Variants in S100Z observed in about 807,000 individuals in gnomAD.
The protein encoded by S100Z is protein S100-Z.
In S100Z, 11 loss-of-function variants were observed where a neutral mutation model predicts 8.5. That is an observed-to-expected ratio of 1.30 (90% CI 0.82 to 2.15). The LOEUF (loss-of-function observed/expected upper bound fraction) is 2.15. S100Z is among the 30% of genes most tolerant of loss of function. The pLI, the probability that S100Z is intolerant of heterozygous loss-of-function variation, is 0.00. For missense variants in S100Z, 126 were observed against 117.9 expected, an observed-to-expected ratio of 1.07 and a Z score of -0.32; for synonymous variants, 34 against 43.8, an observed-to-expected ratio of 0.78 and a Z score of 0.89.
chr5:76,902,940 C>G (rs937792618), intron 4 of S100Z, among the ~76,000 whole-genome samples: 1 of 152,326 alleles, frequency 6.6e-6, no homozygotes. Context: ...AATCCCAGCA[C>G]TTTGGGAGGC....
rs369665467 is a variant in S100Z at position 76,883,676 on chromosome 5, T to G, written c.*2+5842T>G. On this transcript the variant is annotated intron_variant, in intron 4 of 4. Transcript: ENST00000317593. ...CCACTAAGCTGAGAATATCTGGGAA[T>G]GAGTCAGTCAGAGAGCCTTGGGCCA... Among the ~76,000 whole-genome samples the G allele has an allele frequency of 2.2e-3, 330 of 152,246 alleles. 4 individuals are homozygous for G. The highest frequency in any genetic ancestry group is 7.6e-3 in the African/African-American group (316 of 41,548).
At chr5:76,891,339 T>G (rs1743847343) in intron 4 of S100Z, among the ~76,000 whole-genome samples, 1 of 152,188 alleles carries the variant, frequency 6.6e-6, no homozygotes, top group Non-Finnish European at 1.5e-5. Flanking sequence ...ATTCAATTAG[T>G]CTAGGGATGG....
In S100Z at chr5:76,897,346, G is replaced by A. The variant is rs1744071167; in HGVS notation, c.*2+19512G>A. On this transcript the variant is annotated intron_variant, in intron 4 of 4. Transcript: ENST00000317593. ...AGTCGCAGCTACTTGTAGAGGCTGA[G>A]GCAGGAGAATGGTGTGAACCCAGGA... Among the ~76,000 whole-genome samples the A allele has an allele frequency of 2.6e-5, 4 of 152,024 alleles. No individual in the cohort carries two copies. In the South Asian group the frequency reaches 8.3e-4, roughly 32 times the overall value.
the S100Z span, among the ~76,000 whole-genome samples, chr5:76,948,624 C>T: frequency 2.1e-3 from 323 of 152,060 alleles, 2 homozygotes; most frequent in South Asian, 7.9e-3. Flanking sequence ...AAATCCACGA[C>T]GAGACATCAC....
downstream of S100Z, among the ~76,000 whole-genome samples, chr5:76,923,877 A>C (rs887434814): frequency 1.4e-4 from 21 of 152,130 alleles, no homozygotes; most frequent in Admixed American, 5.9e-4. Context: ...TGGCACTTTG[A>C]CATGCTGAAC....
the S100Z span, among the ~76,000 whole-genome samples, chr5:76,943,585 A>T: frequency 0.65 from 98,639 of 152,050 alleles, 32,223 homozygotes; most frequent in South Asian, 0.76. Context: ...CCCAGGAGGC[A>T]GAGTGACAGC....
At chr5:76,901,922 G>C (rs1744243520) in intron 4 of S100Z, among the ~76,000 whole-genome samples, 1 of 152,184 alleles carries the variant, frequency 6.6e-6, no homozygotes, top group Non-Finnish European at 1.5e-5. Context: ...TTAGTTAGCA[G>C]GTGATGAATG....
chr5:76,917,930 A>C (rs997191654), intron 4 of S100Z, among the ~76,000 whole-genome samples: 1 of 152,040 alleles, frequency 6.6e-6, no homozygotes, highest in South Asian at 2.1e-4. Flanking sequence ...GTGGACGTCT[A>C]GTTGGTTTCT....
At chr5:76,898,123 C>G (rs532163275) in intron 4 of S100Z, among the ~76,000 whole-genome samples, 8 of 151,028 alleles carry the variant, frequency 5.3e-5, no homozygotes, top group African/African-American at 1.9e-4. Context: ...ATGGGTCTGT[C>G]ATATATGGCT....
At chr5:76,894,594 A>AT (rs544776998) in intron 4 of S100Z, among the ~76,000 whole-genome samples, 5,001 of 141,272 alleles carry the variant, frequency 0.035, 186 homozygotes, top group East Asian at 0.12. Flanking sequence ...GGTGATTTAA[A>AT]TTTTTTTTTT....
chr5:76,899,273 A>T (rs1021724604), intron 4 of S100Z, among the ~76,000 whole-genome samples: 3 of 152,070 alleles, frequency 2.0e-5, no homozygotes, highest in African/African-American at 7.2e-5. Flanking sequence ...CAATAGATCA[A>T]TGGGTCTTGT....
intron 4 of S100Z, among the ~76,000 whole-genome samples, chr5:76,899,290 A>T (rs903650087): frequency 2.0e-5 from 3 of 151,640 alleles, no homozygotes; most frequent in African/African-American, 4.8e-5. Flanking sequence ...TTGTTTTTTC[A>T]TCTGTTCAGC....
the S100Z span, among the ~76,000 whole-genome samples, chr5:76,936,615 CTA>C: frequency 6.3e-4 from 38 of 60,486 alleles, no homozygotes; most frequent in South Asian, 1.2e-3. Flanking sequence ...ATTAAAGTTC[CTA>C]CACACACACA....
the S100Z span, among the ~76,000 whole-genome samples, chr5:76,931,095 T>G: frequency 2.4e-4 from 37 of 151,924 alleles, no homozygotes; most frequent in African/African-American, 8.2e-4. Context: ...TTTTTCCTTT[T>G]CTTTCTTCCT....
intron 3 of S100Z, among the ~76,000 whole-genome samples, chr5:76,876,476 C>T (rs1371450721): frequency 6.6e-6 from 1 of 151,592 alleles, no homozygotes; most frequent in African/African-American, 2.4e-5. Flanking sequence ...TCGAGTGATT[C>T]TTGTGCCTCA....
At position 76,919,907 on chromosome 5, in the gene S100Z, ATT is replaced by A. The variant is rs1184233230; in HGVS notation, c.*3-792_*3-791del. ...GTGTGAACCACCATGCCCAGCTTTCATTTTTTTTTTTTTTTTTTTGAGACAGA... is the reference window on the plus strand; with the variant it reads ...GTGTGAACCACCATGCCCAGCTTTCATTTTTTTTTTTTTTTTTGAGACAGA... On this transcript the variant is annotated intron_variant, in intron 4 of 4. Transcript: ENST00000317593. Among the ~76,000 whole-genome samples, 850 of 122,148 alleles carry A rather than the reference ATT, an allele frequency of 7.0e-3. 13 individuals are homozygous for A. The highest frequency in any genetic ancestry group is 0.024 in the African/African-American group (778 of 32,806). The allele number at this position is 122,148 out of a possible 152,430, so 80.1% of individuals were successfully genotyped here. A position where few individuals can be genotyped will look rare whatever the true frequency, so the allele number is the denominator to read the frequency against.
the S100Z span, among the ~76,000 whole-genome samples, chr5:76,929,921 C>T: frequency 1.3e-5 from 2 of 152,160 alleles, no homozygotes; most frequent in East Asian, 3.8e-4. Flanking sequence ...CTAACAGAAA[C>T]AGGTAAAAGG....
At chr5:76,950,207 G>A in the S100Z span, among the ~76,000 whole-genome samples, 3 of 152,274 alleles carry the variant, frequency 2.0e-5, no homozygotes, top group Admixed American at 6.5e-5. Context: ...CTAAGTTGAC[G>A]TGATAAATAA....
intron 3 of S100Z, among the ~76,000 whole-genome samples, chr5:76,875,756 C>T (rs548428394): frequency 2.9e-4 from 44 of 152,124 alleles, no homozygotes; most frequent in African/African-American, 1.0e-3. Context: ...CACCAATTAA[C>T]ATTCTGGTGC....
Sources: gnomAD v4.1 joint callset for allele counts (sites outside exome capture counted in the v4.1 genomes callset) on GRCh38, gnomAD v4.1.1 for gene constraint, MANE v1.5 for transcripts, NCBI Gene and HGNC (gene_info 2026-07-23, HGNC 2026-07-21) for gene names.